The following GMPR variants were observed in gnomAD, a reference collection of about 807,000 sequenced individuals.
GMPR encodes the protein GMP reductase 1.
A neutral mutation model predicts 38.4 loss-of-function variants in GMPR; 31 were observed. The ratio of observed to expected loss-of-function variants is 0.81; its 90% CI spans 0.61 to 1.09. GMPR has a LOEUF of 1.09. Ranked by LOEUF, GMPR falls within the 50% of genes least tolerant of loss-of-function variation. The pLI, the probability that GMPR is intolerant of heterozygous loss-of-function variation, is 0.00. For missense variants in GMPR, 468 were observed against 453.7 expected, an observed-to-expected ratio of 1.03 and a Z score of -0.29; for synonymous variants, 162 against 173.3, an observed-to-expected ratio of 0.93 and a Z score of 0.51.
At chr6:16,256,281 C>T (rs1273660935) in intron 4 of GMPR, among the ~76,000 whole-genome samples, 11 of 147,248 alleles carry the variant, frequency 7.5e-5, no homozygotes, top group Non-Finnish European at 1.0e-4. Context: ...TTTGGGAGGC[C>T]GAGGTGGGTG....
At chr6:16,261,960 C>T (rs1040874648) in intron 4 of GMPR, among the ~76,000 whole-genome samples, 1 of 151,654 alleles carries the variant, frequency 6.6e-6, no homozygotes, top group Non-Finnish European at 1.5e-5. Flanking sequence ...TAAAGTGTCT[C>T]GGCCTAATAA....
Position 16,241,978 on chromosome 6 carries a change from A to C in GMPR, c.87+3198A>C, listed in dbSNP as rs555651164. Among the ~76,000 whole-genome samples, 3 of 152,192 alleles carry C rather than the reference A, an allele frequency of 2.0e-5. No individual in the cohort carries two copies. The South Asian group carries it at 6.2e-4, about 32-fold the overall frequency. ...GGTCTTGAACTCTTGACTTCAGGTG[A>C]TCTGCCTGCCTCAGACTCCCAAAGT... is the stretch of plus-strand genomic sequence containing the variant. On this transcript the variant is annotated intron_variant, in intron 1 of 8. Coordinates refer to ENST00000259727, the MANE Select transcript of GMPR (RefSeq NM_006877.4).
intron 2 of GMPR, among the ~76,000 whole-genome samples, chr6:16,248,866 A>AC (rs1189609274): frequency 1.3e-5 from 2 of 152,052 alleles, no homozygotes; most frequent in African/African-American, 4.8e-5. Flanking sequence ...AAAACCTAGG[A>AC]CTCGCTGTGC....
At chr6:16,254,786 C>A in intron 4 of GMPR, 51 bp downstream of exon 4, 1 of 1,350,966 alleles carries the variant, frequency 7.4e-7, no homozygotes. Flanking sequence ...GGGGAAGCCA[C>A]GAGGGAGTTG....
intron 2 of GMPR, among the ~76,000 whole-genome samples, chr6:16,249,249 C>G (rs761336694): frequency 3.3e-5 from 5 of 150,538 alleles, no homozygotes; most frequent in Admixed American, 2.7e-4. Flanking sequence ...CTTGGCTCAC[C>G]GCAACCTCCA....
At chr6:16,260,167 G>T (rs1443191118) in intron 4 of GMPR, among the ~76,000 whole-genome samples, 1 of 152,028 alleles carries the variant, frequency 6.6e-6, no homozygotes, top group Non-Finnish European at 1.5e-5. Context: ...TCCTTTTTAA[G>T]TTGGTGGCTG....
intron 5 of GMPR, among the ~76,000 whole-genome samples, 169 bp from the exon 6 acceptor site, chr6:16,278,615 C>A (rs1297143347): frequency 6.6e-6 from 1 of 152,164 alleles, no homozygotes; most frequent in Non-Finnish European, 1.5e-5. Flanking sequence ...GTGTGGTTTA[C>A]AGTGACCTCC....
Position 16,274,508 on chromosome 6 carries a change from T to A in GMPR, c.547+12T>A. ...GGGAGTTGGACCAGGTAAGACTTGT[T>A]AGGAGCACAGCAGAGGACGTGTGTG... On this transcript the variant is annotated intron_variant, in intron 5 of 8. Transcript: ENST00000259727. 6.7e-7 allele frequency: 1 copy of A among 1,494,138 alleles called. No homozygotes were observed. The highest frequency in any genetic ancestry group is 9.3e-7 in the Non-Finnish European group (1 of 1,070,550). The allele number at this position is 1,494,138 out of a possible 1,614,324, so 92.6% of individuals were successfully genotyped here. A position where few individuals can be genotyped will look rare whatever the true frequency, so the allele number is the denominator to read the frequency against.
intron 5 of GMPR, among the ~76,000 whole-genome samples, chr6:16,277,132 G>C (rs1266733601): frequency 6.6e-6 from 1 of 152,178 alleles, no homozygotes; most frequent in Non-Finnish European, 1.5e-5. Context: ...TGCAGGGCGG[G>C]GGGAAGGCGC....
At chr6:16,290,816 C>A (rs1759827810) in intron 8 of GMPR, among the ~76,000 whole-genome samples, 195 bp downstream of exon 8, 1 of 152,110 alleles carries the variant, frequency 6.6e-6, no homozygotes, top group Non-Finnish European at 1.5e-5. Context: ...TACAGAGCAG[C>A]AGTGTTTGGT....
At chr6:16,251,293 C>T (rs955852224) in intron 3 of GMPR, among the ~76,000 whole-genome samples, 26 of 151,980 alleles carry the variant, frequency 1.7e-4, no homozygotes, top group Admixed American at 1.3e-3. Context: ...AGACGCAGCC[C>T]GGCGCGGTGG....
At chr6:16,266,238 A>C (rs978652289) in intron 4 of GMPR, among the ~76,000 whole-genome samples, 1 of 151,512 alleles carries the variant, frequency 6.6e-6, no homozygotes, top group South Asian at 2.1e-4. Context: ...CGCGCGCACC[A>C]CCTTTAAGAG....
rs1286931119 is a variant in GMPR, at chr6:16,266,450, C to CT, written c.466-7962dup. Among the ~76,000 whole-genome samples the CT allele has an allele frequency of 2.6e-5, 3 of 114,076 alleles. No homozygotes were observed. The Admixed American group carries it at 3.4e-4, about 13-fold the overall frequency. 74.8% of individuals were successfully genotyped at this position (114,076 alleles called of 152,430 possible). ...AAAGGTGGCACGTCGGACGTGCCACCTTTAAGAGCTGTAACACTTCCTGTG... is the reference window on the plus strand; with the variant it reads ...AAAGGTGGCACGTCGGACGTGCCACCTTTTAAGAGCTGTAACACTTCCTGTG... On this transcript the variant is annotated intron_variant, in intron 4 of 8. Coordinates refer to ENST00000259727, the MANE Select transcript of GMPR (RefSeq NM_006877.4).
At chr6:16,247,181 G>C (rs751181461) in intron 2 of GMPR, among the ~76,000 whole-genome samples, 35 of 152,124 alleles carry the variant, frequency 2.3e-4, no homozygotes, top group Non-Finnish European at 4.1e-4. Context: ...GAAAATGACT[G>C]TGATGGTTTT....
chr6:16,262,365 A>C (rs567079669), intron 4 of GMPR: 22 of 152,114 alleles, frequency 1.4e-4, no homozygotes, highest in African/African-American at 5.3e-4. Flanking sequence ...TCCGATTTCC[A>C]GTGGGGTCCC....
At chr6:16,288,633 G>A (rs929875121) in intron 7 of GMPR, among the ~76,000 whole-genome samples, 2 of 152,260 alleles carry the variant, frequency 1.3e-5, no homozygotes, top group African/African-American at 4.8e-5. Flanking sequence ...CAAGGGCTGA[G>A]GAGTGCAGGC....
intron 4 of GMPR, among the ~76,000 whole-genome samples, chr6:16,258,411 G>C (rs1007980223): frequency 6.6e-6 from 1 of 152,252 alleles, no homozygotes; most frequent in Non-Finnish European, 1.5e-5. Context: ...AAGGAGGGAA[G>C]TGCAGGAAGG....
intron 6 of GMPR, among the ~76,000 whole-genome samples, chr6:16,280,019 G>A (rs886190425): frequency 3.9e-5 from 6 of 152,188 alleles, no homozygotes; most frequent in East Asian, 1.9e-4. Context: ...ACAAGTGTCG[G>A]CAATGGAGTA....
chr6:16,277,916 A>C (rs1759503491), intron 5 of GMPR, among the ~76,000 whole-genome samples: 1 of 152,054 alleles, frequency 6.6e-6, no homozygotes. Context: ...GTGGAGCTTG[A>C]TTCTGCTGAT....
Sources: allele counts gnomAD v4.1 joint callset (sites outside exome capture counted in the v4.1 genomes callset), GRCh38; gene constraint gnomAD v4.1.1; transcripts MANE v1.5; gene names NCBI Gene and HGNC (gene_info 2026-07-23, HGNC 2026-07-21).